The following RANBP2 variants were observed in gnomAD, a reference collection of about 807,000 sequenced individuals.
RANBP2 encodes RAN binding protein 2, also known as E3 SUMO-protein ligase RanBP2.
In RANBP2, 57 loss-of-function variants were observed where a neutral mutation model predicts 303.6. The ratio of observed to expected loss-of-function variants is 0.19; its 90% CI spans 0.15 to 0.23. The LOEUF is 0.23. Among genes scored for constraint, RANBP2 ranks in the 10% least tolerant of loss-of-function variants. The pLI, the probability that RANBP2 is intolerant of heterozygous loss-of-function variation, is 1.00. For missense variants in RANBP2, 3,138 were observed against 3,780.8 expected (o/e 0.83, Z 4.46); for synonymous variants, 1,167 against 1,301.5 (o/e 0.90, Z 2.23).
At chr2:109,568,419 T>G in the RANBP2 span, among the ~76,000 whole-genome samples, 4 of 148,954 alleles carry the variant, frequency 2.7e-5, no homozygotes, top group Non-Finnish European at 5.9e-5. Flanking sequence ...TAACCCAGGC[T>G]GGAGTGCAAT....
At chr2:109,732,321 A>G in the RANBP2 span, among the ~76,000 whole-genome samples, 2 of 152,120 alleles carry the variant, frequency 1.3e-5, no homozygotes, top group African/African-American at 4.8e-5. Context: ...GGAACTGGTC[A>G]CCTGCTTTGT....
At chr2:109,199,334 G>T in the RANBP2 span, among the ~76,000 whole-genome samples, 1 of 512 alleles carries the variant, frequency 2.0e-3, no homozygotes. Context: ...AAAGTAAAAT[G>T]GAATGGAATG....
downstream of RANBP2, chr2:108,789,068 G>A: frequency 8.4e-7 from 1 of 1,197,188 alleles, no homozygotes; most frequent in East Asian, 2.4e-5. Flanking sequence ...CTGAGGACAA[G>A]TATGAGGACA....
chr2:109,684,621 T>C, the RANBP2 span, among the ~76,000 whole-genome samples: 1 of 150,244 alleles, frequency 6.7e-6, no homozygotes, highest in Non-Finnish European at 1.5e-5. Context: ...GCAGCCTCTG[T>C]CTCCCGGGTT....
At chr2:109,520,025 G>C in the RANBP2 span, among the ~76,000 whole-genome samples, 4,244 of 152,198 alleles carry the variant, frequency 0.028, 217 homozygotes, top group African/African-American at 0.096. Flanking sequence ...AATAAATACC[G>C]GTGTGCACGC....
chr2:108,853,783 C>T, the RANBP2 span, among the ~76,000 whole-genome samples: 2 of 143,256 alleles, frequency 1.4e-5, no homozygotes, highest in African/African-American at 5.2e-5. Flanking sequence ...CTCTTGGCCC[C>T]TCAAAGCAGT....
At chr2:108,832,984 A>T in the RANBP2 span, among the ~76,000 whole-genome samples, 8 of 152,234 alleles carry the variant, frequency 5.3e-5, no homozygotes, top group African/African-American at 1.9e-4. Flanking sequence ...GAGACACCTT[A>T]AATGCACATT....
At chr2:108,932,089 C>T in the RANBP2 span, among the ~76,000 whole-genome samples, 1 of 152,150 alleles carries the variant, frequency 6.6e-6, no homozygotes, top group Non-Finnish European at 1.5e-5. Context: ...ATTCCCAATA[C>T]CACACACAAA....
At chr2:109,483,665 G>A in the RANBP2 span, among the ~76,000 whole-genome samples, 1 of 152,238 alleles carries the variant, frequency 6.6e-6, no homozygotes, top group Non-Finnish European at 1.5e-5. Context: ...AGTCAAGGCT[G>A]GACACACAAA....
the RANBP2 span, among the ~76,000 whole-genome samples, chr2:109,482,969 C>G: frequency 7.2e-5 from 11 of 152,314 alleles, 1 homozygote; most frequent in South Asian, 2.3e-3. Context: ...TTAAAATACC[C>G]AATAGCTGGT....
the RANBP2 span, among the ~76,000 whole-genome samples, chr2:109,463,406 G>T: frequency 3.3e-5 from 5 of 152,266 alleles, no homozygotes; most frequent in South Asian, 8.3e-4. Flanking sequence ...TCACTTCCAG[G>T]TTTCCCAGTT....
Position 108,765,038 on chromosome 2 carries a change from C to T in RANBP2, c.4499C>T (p.Ala1500Val). The change falls in exon 20 of 29, where the codon GCT (alanine) becomes GTT (valine). Residue 1500 changes from alanine to valine, a missense_variant. Physicochemically the swap from Ala to Val is moderately conservative, Grantham distance 64 (BLOSUM62 0). Coordinates refer to ENST00000283195, the MANE Select transcript of RANBP2 (RefSeq NM_006267.5). ...AATGAGGGGAGCTCTACAAAATGTG[C>T]TGCTTGTCAGAATCCGAGAAAACAG... ...VQNEGSSTKC[A>V]ACQNPRKQSL... 1 of 1,613,066 alleles carries T rather than the reference C, an allele frequency of 6.2e-7. No homozygotes were observed. The highest frequency in any genetic ancestry group is 8.5e-7 in the Non-Finnish European group (1 of 1,179,690).
At chr2:109,294,587 G>A in the RANBP2 span, among the ~76,000 whole-genome samples, 5,509 of 112,148 alleles carry the variant, frequency 0.049, 262 homozygotes, top group African/African-American at 0.13. Context: ...TTAAAAAAAA[G>A]GTAAAAAAAA....
chr2:109,760,379 G>A, the RANBP2 span: 1 of 305,278 alleles, frequency 3.3e-6, no homozygotes, highest in Admixed American at 7.9e-5. Context: ...CGGGGGCGGG[G>A]CCGGGGGCCA....
chr2:109,450,545 G>T, the RANBP2 span, among the ~76,000 whole-genome samples: 5 of 152,104 alleles, frequency 3.3e-5, no homozygotes, highest in African/African-American at 1.2e-4. Context: ...TAATTTTAAA[G>T]TAAATTTAAA....
chr2:109,255,898 C>G, the RANBP2 span, among the ~76,000 whole-genome samples: 1 of 152,236 alleles, frequency 6.6e-6, no homozygotes, highest in Non-Finnish European at 1.5e-5. Flanking sequence ...CTCCCTGCTT[C>G]TGTCCTGCAG....
the RANBP2 span, among the ~76,000 whole-genome samples, chr2:109,007,873 A>C: frequency 0.066 from 118 of 1,788 alleles, no homozygotes; most frequent in Non-Finnish European, 0.44. Flanking sequence ...TCACATAATC[A>C]AGAAACCACA....
the RANBP2 span, among the ~76,000 whole-genome samples, chr2:108,932,360 C>T: frequency 1.3e-5 from 2 of 151,578 alleles, no homozygotes; most frequent in Admixed American, 6.6e-5. Flanking sequence ...AACCTCGTCT[C>T]TACTAAAAAT....
chr2:109,093,666 AGTT>A, the RANBP2 span, among the ~76,000 whole-genome samples: 6 of 152,166 alleles, frequency 3.9e-5, no homozygotes, highest in Non-Finnish European at 8.8e-5. Flanking sequence ...AAATCAGTTT[AGTT>A]AAAAACTGAT....
Sources: allele counts gnomAD v4.1 joint callset (sites outside exome capture counted in the v4.1 genomes callset), GRCh38; gene constraint gnomAD v4.1.1; transcripts MANE v1.5; gene names NCBI Gene and HGNC (gene_info 2026-07-23, HGNC 2026-07-21).